LLGL2: variants seen among roughly 807,000 people sequenced by gnomAD.
LLGL2 encodes LLGL scribble cell polarity complex component 2, also known as LLGL2, scribble cell polarity complex component.
In LLGL2, 81 loss-of-function variants were observed where a neutral mutation model predicts 123.2. The ratio of observed to expected loss-of-function variants is 0.66; its 90% CI spans 0.55 to 0.79. LLGL2 has a LOEUF of 0.79. Ranked by LOEUF, LLGL2 falls within the 30% of genes least tolerant of loss-of-function variation. The probability of loss-of-function intolerance (pLI) is 0.00; values close to 1 mark genes in which losing one functional copy is unlikely to be tolerated. For missense variants in LLGL2, 1,273 were observed against 1,414.6 expected (o/e 0.90, Z 1.61); for synonymous variants, 577 against 594.1 (o/e 0.97, Z 0.42).
chr17:75,574,573 C>T (rs1336876640), intron 24 of LLGL2, 37 bp from the exon 25 acceptor site: 4 of 1,607,594 alleles, frequency 2.5e-6, no homozygotes, highest in Non-Finnish European at 1.7e-6. Flanking sequence ...GAGTGGAGGT[C>T]CCTGAGGCCA....
chr17:75,550,110 G>C (rs1469044750), intron 2 of LLGL2, among the ~76,000 whole-genome samples: 1 of 152,222 alleles, frequency 6.6e-6, no homozygotes, highest in Non-Finnish European at 1.5e-5. Flanking sequence ...TCAGCCTCCT[G>C]GTTTGAATCT....
chr17:75,532,218 G>A (rs1304752086), intron 1 of LLGL2, among the ~76,000 whole-genome samples: 2 of 151,160 alleles, frequency 1.3e-5, no homozygotes, highest in South Asian at 2.1e-4. Flanking sequence ...TGGGATTACA[G>A]GTAGCTCCCC....
chr17:75,529,913 T>C (rs2053715365), intron 1 of LLGL2, among the ~76,000 whole-genome samples: 1 of 152,192 alleles, frequency 6.6e-6, no homozygotes, highest in South Asian at 2.1e-4. Flanking sequence ...CTTTCTAGGC[T>C]TCAGGTGTAG....
rs2055030353 is a variant in LLGL2 at position 75,558,644 on chromosome 17, C to T, written c.371+17C>T. ...ACCCCCAGGGTAAGGGCTCAATCCCCAGCCCCTTCCACTCCCAGCCCAGCC... is the reference window on the plus strand; with the variant it reads ...ACCCCCAGGGTAAGGGCTCAATCCCTAGCCCCTTCCACTCCCAGCCCAGCC... On this transcript the variant is annotated intron_variant, in intron 5 of 25. Transcript: ENST00000392550. The surrounding 1 kb of genome is among the most constrained non-coding windows in gnomAD (Gnocchi z 4.0). The T allele has an allele frequency of 1.3e-6, 2 of 1,557,964 alleles. No homozygotes were observed. Among genetic ancestry groups the T allele is most frequent in the African/African-American group, 1.4e-5 (1 of 73,422 alleles).
rs202158524 is a variant in LLGL2, at chr17:75,529,198, T to C, written c.-31+3373T>C. On this transcript the variant is annotated intron_variant, in intron 1 of 25. Transcript: ENST00000392550. ...AATTATCCCTCCTGCCTGACAGTCCTTTTCTTTTTTTTTCTTTGAGACGAA... is the reference window on the plus strand; with the variant it reads ...AATTATCCCTCCTGCCTGACAGTCCCTTTCTTTTTTTTTCTTTGAGACGAA... Among the ~76,000 whole-genome samples the C allele has an allele frequency of 1.4e-4, 21 of 151,954 alleles. 1 individual carries two copies. In the East Asian group the frequency reaches 3.7e-3, roughly 27 times the overall value.
rs199913582 is a variant in LLGL2, at chr17:75,568,825, C to T, written c.1308C>T (p.Asp436=). The T allele has an allele frequency of 6.9e-6, 11 of 1,591,146 alleles. No individual in the cohort carries two copies. The East Asian group carries it at 2.0e-4, about 29-fold the overall frequency. Residue 436 remains aspartate (D), a synonymous_variant, in exon 12 of 26, where the codon GAC becomes GAT. Coordinates refer to ENST00000392550, the MANE Select transcript of LLGL2 (RefSeq NM_001031803.2). ...TGACCCCAGCCCCACCCCAGAGGGACCTGCTGCTCACAGGGTAGGGTACTT... is the reference window on the plus strand; with the variant it reads ...TGACCCCAGCCCCACCCCAGAGGGATCTGCTGCTCACAGGGTAGGGTACTT... ...TSLTPAPPQR[D]LLLTGHEDGT...
chr17:75,573,167 G>A lies in LLGL2; in HGVS notation c.2614G>A (p.Asp872Asn), dbSNP rs544148129. ...HHLAVLTNLG[D>N]IQVVSLPLLK... is the part of the protein sequence containing the mutation. ...CCTGGCAGTCCTTACCAACCTGGGC[G>A]ACATCCAGGTGGTCTCGCTGCCCCT... Residue 872 changes from aspartate to asparagine, a missense_variant, in exon 20 of 26, where the codon GAC (aspartate) becomes AAC (asparagine). Asp to Asn is a conservative substitution (Grantham distance 23). Transcript: ENST00000392550. 2.4e-5 allele frequency: 39 copies of A among 1,612,982 alleles called. No homozygotes were observed. The highest frequency in any genetic ancestry group is 1.6e-4 in the Middle Eastern group (1 of 6,082).
Position 75,544,166 on chromosome 17 carries a change from G to A in LLGL2, c.75+665G>A, listed in dbSNP as rs906212428. ...CAGGACGGGCCTGTACGCAGGAGGC[G>A]TGCAGTGTGGCTCTTCAGCTCCCGG... On this transcript the variant is annotated intron_variant, in intron 2 of 25. Coordinates refer to ENST00000392550, the MANE Select transcript of LLGL2 (RefSeq NM_001031803.2). This position sits in a 1 kb window ranked among gnomAD's most constrained non-coding sequence, Gnocchi z 4.2. Among the ~76,000 whole-genome samples, 1 of 152,200 alleles carries A rather than the reference G, an allele frequency of 6.6e-6. No homozygotes were observed. The highest frequency in any genetic ancestry group is 1.5e-5 in the Non-Finnish European group (1 of 68,032).
intron 2 of LLGL2, among the ~76,000 whole-genome samples, chr17:75,552,655 A>G (rs1337110621): frequency 6.6e-6 from 1 of 152,192 alleles, no homozygotes; most frequent in Non-Finnish European, 1.5e-5. Flanking sequence ...CTTTTTTGGA[A>G]GTACTAGATC....
chr17:75,548,633 G>C (rs1196830241), intron 2 of LLGL2, among the ~76,000 whole-genome samples: 6 of 151,338 alleles, frequency 4.0e-5, no homozygotes, highest in Non-Finnish European at 8.8e-5. Context: ...GCGCACACCT[G>C]TAATCCCAGC....
intron 10 of LLGL2, among the ~76,000 whole-genome samples, chr17:75,567,280 A>G (rs77906790): frequency 0.086 from 13,074 of 152,212 alleles, 537 homozygotes; most frequent in Middle Eastern, 0.21. Flanking sequence ...CCTGGCCAAC[A>G]TGGTGAAACC....
At chr17:75,525,390 C>A (rs2053518602), upstream of LLGL2, among the ~76,000 whole-genome samples, 2 of 152,088 alleles carry the variant, frequency 1.3e-5, no homozygotes, top group South Asian at 4.1e-4. The surrounding 1 kb of genome is among the most constrained non-coding windows in gnomAD (Gnocchi z 4.8). Context: ...TGGGAGGCGG[C>A]CCGGGACCGC....
chr17:75,574,014 G>T lies in LLGL2; in HGVS notation c.2905+34G>T, dbSNP rs1029087436. 4 of 1,550,566 alleles carry T rather than the reference G, an allele frequency of 2.6e-6. No homozygotes were observed. The South Asian group carries it at 3.6e-5, about 14-fold the overall frequency. ...GGCCTCCTGGGCTCATGCACACCTG[G>T]GCCACACCCGGCCCAGACCTGGGGC... On this transcript the variant is annotated intron_variant, in intron 22 of 25. Transcript: ENST00000392550.
In LLGL2 at chr17:75,564,397, A is replaced by T. The variant is rs1175907975; in HGVS notation, c.926A>T (p.Tyr309Phe). 6.2e-7 allele frequency: 1 copy of T among 1,612,830 alleles called. No homozygotes were observed. The highest frequency in any genetic ancestry group is 1.1e-5 in the South Asian group (1 of 91,080). ...CAGGGTGGCATGCCACGGGCCAGCT[A>T]CGGGGACCGCCACTGCATCTCAGTG... ...IFQGGMPRAS[Y>F]GDRHCISVIH... Residue 309 changes from tyrosine to phenylalanine, a missense_variant, in exon 10 of 26, where the codon TAC becomes TTC. Tyr to Phe is a conservative substitution (Grantham distance 22). Transcript: ENST00000392550. The surrounding 1 kb of genome is among the most constrained non-coding windows in gnomAD (Gnocchi z 4.9).
chr17:75,564,526 TGGGTGCCCA>T lies in LLGL2; in HGVS notation c.1036+24_1036+32del, dbSNP rs1177329630. ...GCAGCCAGTAGGAGAGCTTCGGGAG[TGGGTGCCCA>T]GGGTTAGGTGTGGGAGGCATGGGGC... is the stretch of plus-strand genomic sequence containing the variant. On this transcript the variant is annotated intron_variant, in intron 10 of 25. Coordinates refer to ENST00000392550, the MANE Select transcript of LLGL2 (RefSeq NM_001031803.2). This position sits in a 1 kb window ranked among gnomAD's most constrained non-coding sequence, Gnocchi z 4.9. 1 of 1,612,266 alleles carries T rather than the reference TGGGTGCCCA, an allele frequency of 6.2e-7. No homozygotes were observed. Among genetic ancestry groups the T allele is most frequent in the Non-Finnish European group, 8.5e-7 (1 of 1,179,648 alleles).
intron 17 of LLGL2, 177 bp from the exon 18 acceptor site, chr17:75,571,490 A>G (rs534017835): frequency 3.3e-6 from 2 of 605,668 alleles, no homozygotes; most frequent in Middle Eastern, 4.4e-4. Flanking sequence ...CCCCTGCTGT[A>G]TCACAGCAAG....
intron 10 of LLGL2, chr17:75,567,937 T>C (rs1270155632): frequency 2.0e-6 from 1 of 505,932 alleles, no homozygotes; most frequent in Non-Finnish European, 2.5e-6. Flanking sequence ...TGTGAAACCC[T>C]GTCTCGAGAA....
Position 75,558,863 on chromosome 17 carries a change from C to T in LLGL2, c.371+236C>T, listed in dbSNP as rs1395930458. The T allele has an allele frequency of 2.4e-5, 6 of 249,378 alleles. No individual in the cohort carries two copies. Among genetic ancestry groups the T allele is most frequent in the Admixed American group, 6.1e-5 (1 of 16,472 alleles). The allele number at this position is 249,378 out of a possible 1,614,324, so 15.4% of individuals were successfully genotyped here. The stretch of plus-strand genomic sequence containing the variant: ...CGCACCCCACCTCCTCCATCCGCAC[C>T]CCGCCTCCTCCATCCGCACCCCACC... On this transcript the variant is annotated intron_variant, in intron 5 of 25. Transcript: ENST00000392550. This position sits in a 1 kb window ranked among gnomAD's most constrained non-coding sequence, Gnocchi z 4.0.
At chr17:75,569,639 C>A (rs2055605177) in intron 14 of LLGL2, among the ~76,000 whole-genome samples, 1 of 152,204 alleles carries the variant, frequency 6.6e-6, no homozygotes, top group African/African-American at 2.4e-5. Context: ...CCCATCTCTA[C>A]TAAAAATATA....
Sources: gnomAD v4.1 joint callset for allele counts (sites outside exome capture counted in the v4.1 genomes callset) on GRCh38, gnomAD v4.1.1 for gene constraint, Gnocchi (gnomAD v3.1) non-coding constraint, MANE v1.5 for transcripts, NCBI Gene and HGNC (gene_info 2026-07-23, HGNC 2026-07-21) for gene names.